Variants in SYNJ2 observed in about 807,000 individuals in gnomAD.
The protein encoded by SYNJ2 is polyphosphatidylinositol phosphatase SYNJ2.
SYNJ2 carries 116 observed loss-of-function variants against 141.3 expected under a neutral mutation model. The observed-to-expected ratio is 0.82, with a 90% confidence interval of 0.71 to 0.96. The LOEUF is 0.96. SYNJ2 is among the 40% of genes least tolerant of loss of function. The pLI, the probability that SYNJ2 is intolerant of heterozygous loss-of-function variation, is 0.00. For synonymous variants in SYNJ2, 745 were observed against 777.7 expected (o/e 0.96, Z 0.70); for missense variants, 1,873 against 1,934.8 (o/e 0.97, Z 0.60).
At chr6:158,016,993 G>C (rs1778486518) in intron 1 of SYNJ2, 4 of 1,264,036 alleles carry the variant, frequency 3.2e-6, no homozygotes. Flanking sequence ...CACTTCCAGA[G>C]AGCAAGCTGT....
At chr6:157,984,919 A>AC in intron 1 of SYNJ2, among the ~76,000 whole-genome samples, 1 of 152,062 alleles carries the variant, frequency 6.6e-6, no homozygotes, top group East Asian at 1.9e-4. Context: ...AGTTGTGGTA[A>AC]CTGCTTCGTG....
chr6:158,000,797 G>A (rs1488795994), intron 1 of SYNJ2, among the ~76,000 whole-genome samples: 1 of 152,046 alleles, frequency 6.6e-6, no homozygotes, highest in African/African-American at 2.4e-5. Flanking sequence ...GCCTTCTCTT[G>A]AGACCACTCT....
At chr6:158,013,376 C>CA (rs895567574) in intron 1 of SYNJ2, among the ~76,000 whole-genome samples, 150 of 149,342 alleles carry the variant, frequency 1.0e-3, no homozygotes, top group African/African-American at 2.7e-3. Context: ...GCGAGACTGT[C>CA]AAAAAAAAAA....
intron 15 of SYNJ2, among the ~76,000 whole-genome samples, chr6:158,073,855 G>A (rs1461733107): frequency 5.9e-5 from 9 of 151,874 alleles, no homozygotes; most frequent in Non-Finnish European, 1.3e-4. Context: ...TCTGTATCAT[G>A]CACTAGCTGT....
intron 1 of SYNJ2, among the ~76,000 whole-genome samples, chr6:158,009,495 C>T (rs777934857): frequency 6.6e-6 from 1 of 152,146 alleles, no homozygotes; most frequent in Non-Finnish European, 1.5e-5. Flanking sequence ...ACAGAGCCGG[C>T]GGCTAAAAAT....
chr6:158,038,971 A>G (rs1779788506), intron 4 of SYNJ2, among the ~76,000 whole-genome samples: 1 of 152,220 alleles, frequency 6.6e-6, no homozygotes, highest in South Asian at 2.1e-4. Flanking sequence ...GGACCAGGGC[A>G]TGGGCCTGGT....
In SYNJ2 at chr6:158,074,684, C is replaced by T. The variant is rs1782154595; in HGVS notation, c.2238C>T (p.Asp746=). ...TCTTCTATTTTGTTAAACGCCAAGA[C>T]TGGAAGAAACTTCTGGAATTTGATC... ...EEVFYFVKRQ[D]WKKLLEFDQL... Residue 746 remains aspartate, a synonymous_variant, in exon 16 of 27, where the codon GAC becomes GAT. Transcript: ENST00000355585. The T allele has an allele frequency of 3.1e-6, 5 of 1,613,998 alleles. No individual in the cohort carries two copies. Among genetic ancestry groups the T allele is most frequent in the African/African-American group, 1.3e-5 (1 of 75,032 alleles).
At chr6:158,032,830 A>C (rs1420343929) in intron 3 of SYNJ2, among the ~76,000 whole-genome samples, 7 of 152,210 alleles carry the variant, frequency 4.6e-5, no homozygotes, top group African/African-American at 1.7e-4. Context: ...TGGACTCTAG[A>C]GCCTACAGCA....
Position 158,027,398 on chromosome 6 carries a change from GC to G in SYNJ2, c.215-1354del, listed in dbSNP as rs1284981605. On this transcript the variant is annotated intron_variant, in intron 2 of 26. Transcript: ENST00000355585. The surrounding 1 kb of genome is among the most constrained non-coding windows in gnomAD (Gnocchi z 4.6). ...CGGTTTCTACCCGATGATCTCTTGG[GC>G]CCCGTCCCGAGAGTGAGGCACGGCG... is the stretch of plus-strand genomic sequence containing the variant. The G allele has an allele frequency of 5.0e-6, 1 of 199,904 alleles. No individual in the cohort carries two copies. Among genetic ancestry groups the G allele is most frequent in the Non-Finnish European group, 8.9e-6 (1 of 111,796 alleles). 12.4% of individuals were successfully genotyped at this position (199,904 alleles called of 1,614,324 possible).
rs114295683 is a variant in SYNJ2, at chr6:158,049,774, G to A, written c.796-5193G>A. 5.7e-3 allele frequency among the ~76,000 whole-genome samples: 869 copies of A among 151,892 alleles called. 7 individuals are homozygous for A. Among genetic ancestry groups the A allele is most frequent in the African/African-American group, 0.02 (830 of 41,364 alleles). The stretch of plus-strand genomic sequence containing the variant: ...GACACGGCTCTGCAGGTGGGGACAT[G>A]GCTCTGCAGGTATGCACGTGGCTCT... On this transcript the variant is annotated intron_variant, in intron 5 of 26. Transcript: ENST00000355585.
chr6:158,008,823 G>A (rs930566457), intron 1 of SYNJ2, among the ~76,000 whole-genome samples: 1 of 152,136 alleles, frequency 6.6e-6, no homozygotes, highest in Non-Finnish European at 1.5e-5. Flanking sequence ...TTCTCTCCTT[G>A]TTCCTCTAGA....
chr6:157,981,998 C>T lies in SYNJ2; in HGVS notation c.37C>T (p.Leu13=). 1 of 1,284,634 alleles carries T rather than the reference C, an allele frequency of 7.8e-7. No individual in the cohort carries two copies. The highest frequency in any genetic ancestry group is 9.8e-7 in the Non-Finnish European group (1 of 1,017,188). The allele number at this position is 1,284,634 out of a possible 1,614,324, so 79.6% of individuals were successfully genotyped here. The change falls in exon 1 of 27, where the codon CTG becomes TTG. Residue 13 remains leucine (L), a synonymous_variant. Transcript: ENST00000355585. The surrounding 1 kb of genome is among the most constrained non-coding windows in gnomAD (Gnocchi z 6.4). ...CAAAGGGCTGCGGCTGCTGGGGCGCCTGGGGGCCGAGGGGGACTGTAGCGT... is the reference window on the plus strand; with the variant it reads ...CAAAGGGCTGCGGCTGCTGGGGCGCTTGGGGGCCGAGGGGGACTGTAGCGT... ...LSKGLRLLGR[L]GAEGDCSVLL... is the part of the protein sequence containing the mutation.
chr6:158,031,459 G>A (rs888224009), intron 3 of SYNJ2, among the ~76,000 whole-genome samples: 1 of 152,260 alleles, frequency 6.6e-6, no homozygotes, highest in Non-Finnish European at 1.5e-5. Context: ...TGAAGGGAGA[G>A]GAGGAAGTAA....
chr6:158,021,398 A>T (rs1778763662), intron 2 of SYNJ2, among the ~76,000 whole-genome samples: 1 of 152,244 alleles, frequency 6.6e-6, no homozygotes, highest in Non-Finnish European at 1.5e-5. Flanking sequence ...CAGGAGGTCC[A>T]CATGGGCCAT....
Position 157,982,683 on chromosome 6 carries a change from A to G in SYNJ2, c.127+595A>G, listed in dbSNP as rs1214208755. Among the ~76,000 whole-genome samples the G allele has an allele frequency of 6.6e-6, 1 of 152,196 alleles. No individual in the cohort carries two copies. Among genetic ancestry groups the G allele is most frequent in the Non-Finnish European group, 1.5e-5 (1 of 68,040 alleles). On this transcript the variant is annotated intron_variant, in intron 1 of 26. Transcript: ENST00000355585. The surrounding 1 kb of genome is among the most constrained non-coding windows in gnomAD (Gnocchi z 4.0). ...CCAAGCCAGCGAATTTCACCTATGG[A>G]CTTCAGAAGCCTTGAAACTGGCATT...
intron 1 of SYNJ2, among the ~76,000 whole-genome samples, chr6:157,995,257 G>A (rs1777596534): frequency 6.6e-6 from 1 of 152,162 alleles, no homozygotes; most frequent in Admixed American, 6.5e-5. Context: ...TAGATTTCAG[G>A]CTCAGTTTAC....
At chr6:158,054,457 C>G (rs150161293) in intron 5 of SYNJ2, among the ~76,000 whole-genome samples, 158 of 152,320 alleles carry the variant, frequency 1.0e-3, no homozygotes, top group Non-Finnish European at 2.0e-3. Flanking sequence ...ACTCCAGCAA[C>G]AATATGTATT....
rs1298618257 is a variant in SYNJ2, at chr6:158,096,236, G to T, written c.4363G>T (p.Gly1455Cys). 2 of 1,614,122 alleles carry T rather than the reference G, an allele frequency of 1.2e-6. No homozygotes were observed. The highest frequency in any genetic ancestry group is 1.7e-6 in the Non-Finnish European group (2 of 1,180,054). The change falls in exon 27 of 27, where the codon GGC (glycine) becomes TGC (cysteine). Residue 1455 changes from glycine (G) to cysteine (C), a missense_variant. By Grantham distance (159) the Gly-to-Cys change is radical (BLOSUM62 -3). Coordinates refer to ENST00000355585, the MANE Select transcript of SYNJ2 (RefSeq NM_003898.4). Reference protein sequence around the residue: ...KRDPIDPVSAGASAAKAELPP... With the variant: ...KRDPIDPVSACASAAKAELPP... The stretch of plus-strand genomic sequence containing the variant: ...AGATCCCATAGACCCAGTGTCAGCT[G>T]GCGCTTCAGCTGCCAAGGCAGAGCT...
chr6:158,095,494 T>G, intron 26 of SYNJ2, 124 bp from the exon 27 acceptor site: 1 of 1,295,930 alleles, frequency 7.7e-7, no homozygotes, highest in Admixed American at 2.5e-5. Flanking sequence ...CATTCTCAAA[T>G]CTCGAATTTG....
Sources: gnomAD v4.1 joint callset for allele counts (sites outside exome capture counted in the v4.1 genomes callset) on GRCh38, gnomAD v4.1.1 for gene constraint, Gnocchi (gnomAD v3.1) non-coding constraint, MANE v1.5 for transcripts, NCBI Gene and HGNC (gene_info 2026-07-23, HGNC 2026-07-21) for gene names.